YTHDC2: variants seen among roughly 807,000 people sequenced by gnomAD.
YTHDC2 encodes YTH N6-methyladenosine RNA binding protein C2, also known as 3'-5' RNA helicase YTHDC2.
In YTHDC2, 45 loss-of-function variants were observed where a neutral mutation model predicts 174.9. That is an observed-to-expected ratio of 0.26 (90% confidence interval 0.20 to 0.33). The LOEUF is 0.33. Ranked by LOEUF, YTHDC2 falls within the 10% of genes least tolerant of loss-of-function variation. The probability of loss-of-function intolerance (pLI) is 1.00; values close to 1 mark genes in which losing one functional copy is unlikely to be tolerated. For synonymous variants in YTHDC2, 657 were observed against 574.5 expected, an observed-to-expected ratio of 1.14 and a Z score of -2.05; for missense variants, 1,650 against 1,723.7, an observed-to-expected ratio of 0.96 and a Z score of 0.76.
intron 12 of YTHDC2, among the ~76,000 whole-genome samples, chr5:113,551,172 A>G (rs1776229354): frequency 6.6e-6 from 1 of 152,052 alleles, no homozygotes; most frequent in Non-Finnish European, 1.5e-5. Flanking sequence ...TATTTCTGAT[A>G]TGGTAGGTTT....
chr5:113,586,714 G>C (rs980464644), intron 26 of YTHDC2, among the ~76,000 whole-genome samples: 1 of 150,462 alleles, frequency 6.6e-6, no homozygotes, highest in Non-Finnish European at 1.5e-5. Context: ...TTACTCGTTG[G>C]CTTTTGCTTA....
At chr5:113,558,178 A>T (rs1012555389) in intron 17 of YTHDC2, among the ~76,000 whole-genome samples, 3 of 152,228 alleles carry the variant, frequency 2.0e-5, no homozygotes, top group Non-Finnish European at 2.9e-5. Context: ...TTTGGATAGA[A>T]TTTAGTTTAG....
At position 113,514,048 on chromosome 5, in the gene YTHDC2, C is replaced by A. The variant is rs150619659; in HGVS notation, c.153C>A (p.Ile51=). Residue 51 remains isoleucine, a synonymous_variant, in exon 1 of 30, where the codon ATC becomes ATA. Coordinates refer to ENST00000161863, the MANE Select transcript of YTHDC2 (RefSeq NM_022828.5). The part of the protein sequence containing the change: ...IDEEVKIAVN[I]ALERFRYGDQ... ...AGGAGGTGAAGATCGCAGTCAATAT[C>A]GCGCTGGAGCGCTTCCGATACGGGG... is the stretch of plus-strand genomic sequence containing the variant. 2 of 1,612,100 alleles carry A rather than the reference C, an allele frequency of 1.2e-6. No individual in the cohort carries two copies. The highest frequency in any genetic ancestry group is 3.3e-5 in the Admixed American group (2 of 59,740).
chr5:113,553,157 C>CTTTTTTTTTTTTTTTTTTTTTT, intron 12 of YTHDC2, 24 bp from the exon 13 acceptor site: 1 of 1,010,572 alleles, frequency 9.9e-7, no homozygotes, highest in Non-Finnish European at 1.3e-6. Context: ...TTGACTTTGT[C>CTTTTTTTTTTTTTTTTTTTTTT]TTTTTTTTTT....
intron 5 of YTHDC2, 22 bp from the exon 6 acceptor site, chr5:113,534,283 T>C (rs1226863637): frequency 6.3e-7 from 1 of 1,599,266 alleles, no homozygotes; most frequent in East Asian, 2.2e-5. Flanking sequence ...TTGTGCACTT[T>C]GTTTTGCTTT....
intron 2 of YTHDC2, among the ~76,000 whole-genome samples, chr5:113,515,869 G>T (rs926249662): frequency 1.3e-5 from 2 of 152,198 alleles, no homozygotes; most frequent in Non-Finnish European, 2.9e-5. Flanking sequence ...GAAGATATGT[G>T]TTCTTTTAGC....
At chr5:113,556,269 CAAA>C in intron 17 of YTHDC2, 135 bp downstream of exon 17, 1 of 479,064 alleles carries the variant, frequency 2.1e-6, no homozygotes. Flanking sequence ...ATTATTTTTG[CAAA>C]GCAAGCCATT....
chr5:113,549,807 G>A (rs2112657321), intron 12 of YTHDC2, among the ~76,000 whole-genome samples: 1 of 151,796 alleles, frequency 6.6e-6, no homozygotes, highest in East Asian at 1.9e-4. Context: ...TTGATTTATT[G>A]TCTATCTCTT....
chr5:113,585,225 G>T (rs2112805373), intron 26 of YTHDC2, among the ~76,000 whole-genome samples: 1 of 151,936 alleles, frequency 6.6e-6, no homozygotes, highest in East Asian at 1.9e-4. Context: ...ATGGGATAGG[G>T]TTAGGAAGGT....
chr5:113,577,420 A>T (rs1333176631), intron 23 of YTHDC2, among the ~76,000 whole-genome samples: 2 of 152,134 alleles, frequency 1.3e-5, no homozygotes, highest in African/African-American at 4.8e-5. Flanking sequence ...CTCAGGCTGA[A>T]GTACAGTGGT....
chr5:113,517,327 G>T (rs1434104617), intron 2 of YTHDC2, among the ~76,000 whole-genome samples: 3 of 152,178 alleles, frequency 2.0e-5, no homozygotes, highest in Non-Finnish European at 4.4e-5. Context: ...TTGGGCCTGT[G>T]CTTGGAAACA....
At position 113,553,373 on chromosome 5, in the gene YTHDC2, G is replaced by A; in HGVS notation, c.1867+14G>A. ...GTTGTGATGCTGGTAAATACGTGTTGTCTAAAAGAACTGGAGCAAAATATA... is the reference window on the plus strand; with the variant it reads ...GTTGTGATGCTGGTAAATACGTGTTATCTAAAAGAACTGGAGCAAAATATA... On this transcript the variant is annotated intron_variant, in intron 13 of 29. Coordinates refer to ENST00000161863, the MANE Select transcript of YTHDC2 (RefSeq NM_022828.5). 1 of 1,580,568 alleles carries A rather than the reference G, an allele frequency of 6.3e-7. No homozygotes were observed. The highest frequency in any genetic ancestry group is 8.6e-7 in the Non-Finnish European group (1 of 1,169,364).
intron 10 of YTHDC2, among the ~76,000 whole-genome samples, chr5:113,544,153 A>T (rs1775683823): frequency 6.6e-6 from 1 of 152,030 alleles, no homozygotes; most frequent in Non-Finnish European, 1.5e-5. Flanking sequence ...TGATATTATT[A>T]TTATTGTTAT....
chr5:113,591,218 T>A lies in YTHDC2; in HGVS notation c.4003T>A (p.Ser1335Thr). 1 of 1,613,902 alleles carries A rather than the reference T, an allele frequency of 6.2e-7. No individual in the cohort carries two copies. Among genetic ancestry groups the A allele is most frequent in the Non-Finnish European group, 8.5e-7 (1 of 1,179,860 alleles). Reference sequence around the variant, plus strand: ...AAGCAGCATAGTTTACTTGGTATTTTCTGTTCAAGGATCTGGACATTTCCA... The same window carrying A: ...AAGCAGCATAGTTTACTTGGTATTTACTGTTCAAGGATCTGGACATTTCCA... Reference protein sequence around the residue: ...WESSIVYLVFSVQGSGHFQGF... With the variant: ...WESSIVYLVFTVQGSGHFQGF... The change falls in exon 27 of 30, where the codon TCT (serine) becomes ACT (threonine). Residue 1335 changes from serine (S) to threonine (T), a missense_variant. Transcript: ENST00000161863.
At chr5:113,524,678 T>C (rs1488222709) in intron 2 of YTHDC2, among the ~76,000 whole-genome samples, 1 of 152,144 alleles carries the variant, frequency 6.6e-6, no homozygotes, top group East Asian at 1.9e-4. Context: ...TCATATTAAC[T>C]GGTGATGTTT....
intron 23 of YTHDC2, among the ~76,000 whole-genome samples, chr5:113,574,386 G>C (rs7718203): frequency 0.16 from 24,142 of 152,126 alleles, 2,079 homozygotes; most frequent in Non-Finnish European, 0.2. Flanking sequence ...ACATGCATCT[G>C]TAGGAGGTGA....
In YTHDC2 at chr5:113,534,396, C is replaced by T; in HGVS notation, c.934C>T (p.His312Tyr). The change falls in exon 6 of 30, where the codon CAT becomes TAT. Residue 312 changes from histidine (H) to tyrosine (Y), a missense_variant. His to Tyr is a moderately conservative substitution (Grantham distance 83, BLOSUM62 2). Around this residue, in one of 5 missense-constraint regions of YTHDC2, gnomAD observed 411 missense variants for 380.6 expected, o/e 1.08. Coordinates refer to ENST00000161863, the MANE Select transcript of YTHDC2 (RefSeq NM_022828.5). The stretch of plus-strand genomic sequence containing the variant: ...AGATAGTACGTTGTCGACTGTGACA[C>T]ATGTTATCGTGGTAAGAATATTGCT... Reference protein sequence around the residue: ...AGDSTLSTVTHVIVDEVHERD... With the variant: ...AGDSTLSTVTYVIVDEVHERD... 1 of 1,610,654 alleles carries T rather than the reference C, an allele frequency of 6.2e-7. No homozygotes were observed. The highest frequency in any genetic ancestry group is 8.5e-7 in the Non-Finnish European group (1 of 1,177,740).
chr5:113,592,445 A>G (rs892352281), intron 28 of YTHDC2: 3 of 268,492 alleles, frequency 1.1e-5, no homozygotes, highest in African/African-American at 6.7e-5. Context: ...TTTATATTCT[A>G]GTGGCTTGTT....
intron 24 of YTHDC2, among the ~76,000 whole-genome samples, chr5:113,580,124 G>T (rs1255359741): frequency 2.0e-5 from 3 of 152,010 alleles, no homozygotes; most frequent in Admixed American, 6.6e-5. Context: ...CCTCCATCAA[G>T]CTCTTTTATA....
Sources: gnomAD v4.1 joint callset for allele counts (sites outside exome capture counted in the v4.1 genomes callset) on GRCh38, gnomAD v4.1.1 for gene constraint, gnomAD v4.1.1 regional missense constraint, MANE v1.5 for transcripts, NCBI Gene and HGNC (gene_info 2026-07-23, HGNC 2026-07-21) for gene names.